The following PTPRB variants were observed in gnomAD, a reference collection of about 807,000 sequenced individuals.
PTPRB encodes protein tyrosine phosphatase receptor type B, also known as receptor-type tyrosine-protein phosphatase beta.
In PTPRB, 97 loss-of-function variants were observed where a neutral mutation model predicts 238.1. That is an observed-to-expected ratio of 0.41 (90% CI 0.35 to 0.48). The LOEUF is 0.48. Among genes scored for constraint, PTPRB ranks in the 20% least tolerant of loss-of-function variants. The pLI, the probability that PTPRB is intolerant of heterozygous loss-of-function variation, is 0.30. For synonymous variants in PTPRB, 970 were observed against 995.4 expected (o/e 0.97, Z 0.48); for missense variants, 2,292 against 2,681.9 (o/e 0.85, Z 3.21).
chr12:70,591,439 G>A (rs1465931), intron 7 of PTPRB, among the ~76,000 whole-genome samples: 16,231 of 152,128 alleles, frequency 0.11, 984 homozygotes, highest in Non-Finnish European at 0.13. Flanking sequence ...CTGTATAATG[G>A]TAATAAATAA....
At position 70,569,710 on chromosome 12, in the gene PTPRB, G is replaced by A. The variant is rs752020713; in HGVS notation, c.3599C>T (p.Ser1200Phe). The A allele has an allele frequency of 2.5e-6, 4 of 1,613,742 alleles. No individual in the cohort carries two copies. In the African/African-American group the frequency reaches 5.3e-5, roughly 22 times the overall value. Residue 1200 changes from serine to phenylalanine, a missense_variant, in exon 14 of 34, where the codon TCC (serine) becomes TTC (phenylalanine). Ser to Phe is a radical substitution (Grantham distance 155). Coordinates refer to ENST00000334414, the MANE Select transcript of PTPRB (RefSeq NM_001109754.4). ...YQIMIASVSG[S>F]LKNQINVVGR... The stretch of plus-strand genomic sequence containing the variant: ...AACCACATTTATCTGATTCTTCAGG[G>A]ACCCGCTGACTGAGGCAATCATGAT...
Position 70,534,851 on chromosome 12 carries a change from C to T in PTPRB, c.6186G>A (p.Arg2062=), listed in dbSNP as rs1183982588. Residue 2062 remains arginine (R), a synonymous_variant, in exon 30 of 34, where the codon CGG becomes CGA. Transcript: ENST00000334414. The stretch of plus-strand genomic sequence containing the variant: ...AACATACACCGCATATCTTAAACTC[C>T]CGGATGGTCCACTCAGGCAGGACGG... ...SESVLPEWTI[R]EFKICGEEQL... The T allele has an allele frequency of 6.2e-7, 1 of 1,613,904 alleles. No individual in the cohort carries two copies.
intron 14 of PTPRB, among the ~76,000 whole-genome samples, chr12:70,569,115 T>G (rs1216266881): frequency 6.6e-6 from 1 of 152,148 alleles, no homozygotes; most frequent in Non-Finnish European, 1.5e-5. Flanking sequence ...ATTTACTTAT[T>G]TATTGGGACA....
intron 10 of PTPRB, among the ~76,000 whole-genome samples, chr12:70,580,751 G>A (rs1881290844): frequency 6.6e-6 from 1 of 151,768 alleles, no homozygotes; most frequent in Non-Finnish European, 1.5e-5. Flanking sequence ...CCAGGAGGCG[G>A]AGGTTGCGGT....
At chr12:70,572,726 A>G (rs11608498) in intron 11 of PTPRB, among the ~76,000 whole-genome samples, 27,366 of 149,454 alleles carry the variant, frequency 0.18, 2,650 homozygotes, top group Non-Finnish European at 0.21. Flanking sequence ...CCAAGATCAC[A>G]TCATGCCCCT....
intron 28 of PTPRB, among the ~76,000 whole-genome samples, chr12:70,536,705 A>G (rs577461005): frequency 6.6e-6 from 1 of 152,324 alleles, no homozygotes; most frequent in Admixed American, 6.5e-5. Flanking sequence ...TCCGGCAATG[A>G]CAGCAATTCC....
At chr12:70,589,884 G>GT (rs1023118046) in intron 8 of PTPRB, 80 bp downstream of exon 8, 3 of 1,385,666 alleles carry the variant, frequency 2.2e-6, no homozygotes, top group Non-Finnish European at 3.0e-6. Flanking sequence ...GATATTAGCA[G>GT]TTACGGCAGT....
rs113278601 is a variant in PTPRB at position 70,609,298 on chromosome 12, C to T, written c.750G>A (p.Ala250=). The T allele has an allele frequency of 2.5e-5, 41 of 1,613,900 alleles. No individual in the cohort carries two copies. The highest frequency in any genetic ancestry group is 1.8e-4 in the South Asian group (16 of 91,086). The change falls in exon 4 of 34, where the codon GCG becomes GCA. Residue 250 remains alanine (A), a synonymous_variant. Coordinates refer to ENST00000334414, the MANE Select transcript of PTPRB (RefSeq NM_001109754.4). The part of the protein sequence containing the change: ...AEPERCNFTL[A]ESKASSHSVS... ...CAGAATGGCTGGAGGCCTTGGACTC[C>T]GCCAGGGTGAAGTTACATCTCTCTG...
chr12:70,570,077 T>A, intron 13 of PTPRB, 139 bp from the exon 14 acceptor site: 1 of 815,080 alleles, frequency 1.2e-6, no homozygotes, highest in Non-Finnish European at 1.9e-6. Flanking sequence ...ATTTGCCACT[T>A]TTCTCTGATT....
intron 21 of PTPRB, among the ~76,000 whole-genome samples, chr12:70,552,483 CAAA>C (rs60295837): frequency 8.2e-6 from 1 of 122,338 alleles, no homozygotes; most frequent in African/African-American, 3.5e-5. Flanking sequence ...GACTCTGTCT[CAAA>C]AAAAAAAAAA....
chr12:70,556,072 A>G lies in PTPRB; in HGVS notation c.4791T>C (p.Asp1597=). The change falls in exon 19 of 34, where the codon GAT becomes GAC. Residue 1597 remains aspartate, a synonymous_variant. Transcript: ENST00000334414. The part of the protein sequence containing the change: ...TAIACSWIPP[D]SDFDGYSIEC... ...CAATACTATAACCATCAAAGTCAGA[A>G]TCAGGAGGGATCCAAGAACAGGCAA... 1 of 1,613,878 alleles carries G rather than the reference A, an allele frequency of 6.2e-7. No individual in the cohort carries two copies. The highest frequency in any genetic ancestry group is 8.5e-7 in the Non-Finnish European group (1 of 1,179,768).
chr12:70,632,833 T>C (rs1202335401), intron 2 of PTPRB, among the ~76,000 whole-genome samples: 1 of 152,186 alleles, frequency 6.6e-6, no homozygotes, highest in Non-Finnish European at 1.5e-5. Context: ...GGTTTTATAC[T>C]CTAGTATTAG....
rs1316354459 is a variant in PTPRB at position 70,576,512 on chromosome 12, C to T, written c.2712G>A (p.Gln904=). 2 of 1,573,684 alleles carry T rather than the reference C, an allele frequency of 1.3e-6. No homozygotes were observed. The highest frequency in any genetic ancestry group is 1.7e-6 in the Non-Finnish European group (2 of 1,157,768). Residue 904 remains glutamine, a synonymous_variant, in exon 11 of 34, where the codon CAG becomes CAA. Coordinates refer to ENST00000334414, the MANE Select transcript of PTPRB (RefSeq NM_001109754.4). ...TGACAGACTTGGCAATGACAAGGGA[C>T]TGAACCACCTTGCCGTCATGAGACA... is the stretch of plus-strand genomic sequence containing the variant. ...VTLSHDGKVV[Q]SLVIAKSVRE...
At chr12:70,549,408 C>G (rs981144741) in intron 21 of PTPRB, among the ~76,000 whole-genome samples, 3 of 152,318 alleles carry the variant, frequency 2.0e-5, no homozygotes, top group East Asian at 3.9e-4. Flanking sequence ...CCTTCCAACT[C>G]TCTCTCACCA....
chr12:70,524,393 G>A, intron 33 of PTPRB, 78 bp downstream of exon 33: 8 of 1,453,340 alleles, frequency 5.5e-6, no homozygotes, highest in Admixed American at 2.1e-5. Context: ...GGGATTACAG[G>A]TGTAAGCCTC....
Position 70,576,431 on chromosome 12 carries a change from A to G in PTPRB, c.2793T>C (p.Thr931=), listed in dbSNP as rs753386592. Residue 931 remains threonine (T), a synonymous_variant, in exon 11 of 34, where the codon ACT becomes ACC. Transcript: ENST00000334414. ...GATTTTCATACTTGCCACTCCTTGT[A>G]GTTATGGTCACGGTGTAGAGGCGGC... ...TPGRLYTVTI[T]TRSGKYENHS... is the part of the protein sequence containing the mutation. 6.2e-6 allele frequency: 10 copies of G among 1,609,940 alleles called. No homozygotes were observed. Among genetic ancestry groups the G allele is most frequent in the Non-Finnish European group, 8.5e-6 (10 of 1,178,192 alleles).
intron 33 of PTPRB, among the ~76,000 whole-genome samples, chr12:70,522,863 CTTTTTT>C (rs35913444): frequency 1.1e-4 from 13 of 118,244 alleles, no homozygotes; most frequent in African/African-American, 2.7e-4. Flanking sequence ...TTTGTTTTTT[CTTTTTT>C]TTTTTTTTTT....
rs1200904632 is a variant in PTPRB at position 70,519,981 on chromosome 12, T to G, written c.*1508A>C. 4.8e-6 allele frequency: 1 copy of G among 207,608 alleles called. No individual in the cohort carries two copies. Among genetic ancestry groups the G allele is most frequent in the Non-Finnish European group, 1.0e-5 (1 of 100,350 alleles). The allele number at this position is 207,608 out of a possible 1,614,324, so 12.9% of individuals were successfully genotyped here. A position where few individuals can be genotyped will look rare whatever the true frequency, so the allele number is the denominator to read the frequency against. On this transcript the variant is annotated 3_prime_UTR_variant, in exon 34 of 34. Coordinates refer to ENST00000334414, the MANE Select transcript of PTPRB (RefSeq NM_001109754.4). ...CAATTATTATGTCAATTACATTCGT[T>G]GTATTCACTTACGGACTTTATGGTA...
intron 32 of PTPRB, among the ~76,000 whole-genome samples, chr12:70,531,147 T>C (rs879641769): frequency 3.0e-4 from 45 of 152,142 alleles, no homozygotes; most frequent in Non-Finnish European, 5.3e-4. Context: ...GGGGTCAAGG[T>C]GGTTTTGGGA....
Sources: gnomAD v4.1 joint callset for allele counts (sites outside exome capture counted in the v4.1 genomes callset) on GRCh38, gnomAD v4.1.1 for gene constraint, MANE v1.5 for transcripts, NCBI Gene and HGNC (gene_info 2026-07-23, HGNC 2026-07-21) for gene names.